The following CNNM2 variants were observed in gnomAD, a reference collection of about 807,000 sequenced individuals.
CNNM2 encodes metal transporter CNNM2.
CNNM2 carries 12 observed loss-of-function variants against 66.9 expected under a neutral mutation model. The ratio of observed to expected loss-of-function variants is 0.18; its 90% CI spans 0.11 to 0.29. The LOEUF is 0.29. CNNM2 is among the 10% of genes least tolerant of loss of function. The pLI, the probability that CNNM2 is intolerant of heterozygous loss-of-function variation, is 1.00. For missense variants in CNNM2, 705 were observed against 1,167.7 expected (o/e 0.60, Z 5.77); for synonymous variants, 557 against 501.8 (o/e 1.11, Z -1.47).
intron 1 of CNNM2, among the ~76,000 whole-genome samples, chr10:102,958,015 C>A (rs1847109305): frequency 6.6e-6 from 1 of 152,220 alleles, no homozygotes. Flanking sequence ...TGGCTCACTG[C>A]AACCTCCGCC....
At chr10:102,988,525 T>C (rs952353747) in intron 1 of CNNM2, among the ~76,000 whole-genome samples, 1 of 152,124 alleles carries the variant, frequency 6.6e-6, no homozygotes, top group Non-Finnish European at 1.5e-5. Flanking sequence ...AAGAATCTTA[T>C]ACAAAGTATA....
chr10:103,076,303 G>A (rs1448944149), intron 7 of CNNM2, 33 bp downstream of exon 7: 18 of 1,546,662 alleles, frequency 1.2e-5, no homozygotes, highest in Non-Finnish European at 1.6e-5. Flanking sequence ...GGCTGGACCT[G>A]GCAGTTAGTT....
At chr10:103,014,214 T>C (rs748447822) in intron 1 of CNNM2, among the ~76,000 whole-genome samples, 13 of 152,198 alleles carry the variant, frequency 8.5e-5, no homozygotes, top group Non-Finnish European at 1.8e-4. Context: ...CCAGGCAGCA[T>C]GCTAAATGTT....
intron 1 of CNNM2, among the ~76,000 whole-genome samples, chr10:103,018,147 G>A (rs1295255845): frequency 2.0e-5 from 3 of 152,026 alleles, no homozygotes; most frequent in African/African-American, 7.3e-5. Flanking sequence ...TGGAGAGCAA[G>A]GGTGAGACAA....
chr10:103,028,876 G>T (rs1234158829), intron 1 of CNNM2, among the ~76,000 whole-genome samples: 5 of 134,104 alleles, frequency 3.7e-5, no homozygotes, highest in African/African-American at 8.5e-5. Flanking sequence ...AGGCTGGAGT[G>T]CAGTGATGTG....
intron 1 of CNNM2, among the ~76,000 whole-genome samples, chr10:102,995,473 A>C (rs1440389058): frequency 1.3e-5 from 2 of 151,806 alleles, no homozygotes; most frequent in Admixed American, 1.3e-4. Context: ...TTGGCCTCCC[A>C]ACGTGCTGGG....
intron 6 of CNNM2, among the ~76,000 whole-genome samples, chr10:103,072,291 T>G (rs963714219): frequency 1.3e-5 from 2 of 152,228 alleles, no homozygotes; most frequent in African/African-American, 2.4e-5. Context: ...CTGTGAACTC[T>G]TCTTGGTAAG....
At chr10:102,971,684 C>A (rs2063549002) in intron 1 of CNNM2, among the ~76,000 whole-genome samples, 1 of 152,144 alleles carries the variant, frequency 6.6e-6, no homozygotes, top group African/African-American at 2.4e-5. Flanking sequence ...TTCATTTTAG[C>A]AGCTGCATGG....
In CNNM2 at chr10:103,071,776, C is replaced by G. The variant is rs1199489653; in HGVS notation, c.2170C>G (p.Pro724Ala). ...GVMALTASPV[P>A]LSLSRTFVVS... ...CCCTGTTTTTCTCCATTTTTCAGTTCCTTTGTCCCTGTCTCGTACCTTTGT... is the reference window on the plus strand; with the variant it reads ...CCCTGTTTTTCTCCATTTTTCAGTTGCTTTGTCCCTGTCTCGTACCTTTGT... The change falls in exon 6 of 8, where the codon CCT becomes GCT. Residue 724 changes from proline (P) to alanine (A), a missense_variant and splice_region_variant. Coordinates refer to ENST00000369878, the MANE Select transcript of CNNM2 (RefSeq NM_017649.5). The G allele has an allele frequency of 2.5e-6, 4 of 1,613,632 alleles. No individual in the cohort carries two copies. The highest frequency in any genetic ancestry group is 3.4e-6 in the Non-Finnish European group (4 of 1,179,748).
chr10:103,001,577 A>G (rs957608700), intron 1 of CNNM2, among the ~76,000 whole-genome samples: 3 of 152,214 alleles, frequency 2.0e-5, no homozygotes, highest in Admixed American at 1.3e-4. Context: ...ATTCATTCTC[A>G]TAGTCTTTTC....
At chr10:102,969,889 C>T (rs557902585) in intron 1 of CNNM2, among the ~76,000 whole-genome samples, 4 of 152,172 alleles carry the variant, frequency 2.6e-5, no homozygotes, top group Admixed American at 2.6e-4. Context: ...GTGATCCGCC[C>T]ACCTCGGCCT....
At chr10:103,059,551 C>G (rs2065349943) in intron 4 of CNNM2, among the ~76,000 whole-genome samples, 1 of 152,114 alleles carries the variant, frequency 6.6e-6, no homozygotes, top group African/African-American at 2.4e-5. Context: ...GCCAAAACTT[C>G]AAGTTTTATC....
chr10:103,071,625 G>A, intron 5 of CNNM2, 149 bp from the exon 6 acceptor site: 2 of 733,362 alleles, frequency 2.7e-6, no homozygotes, highest in Non-Finnish European at 2.5e-6. Context: ...GTGTTGTTTT[G>A]TTTCTATAAT....
chr10:102,922,852 G>A (rs917538603), intron 1 of CNNM2, among the ~76,000 whole-genome samples: 6 of 151,750 alleles, frequency 4.0e-5, no homozygotes, highest in Admixed American at 2.0e-4. Flanking sequence ...TGAGGTGGGA[G>A]GATTCCTTGA....
chr10:103,035,386 C>T (rs1472494632), intron 1 of CNNM2, among the ~76,000 whole-genome samples: 1 of 152,120 alleles, frequency 6.6e-6, no homozygotes. Flanking sequence ...CCATCACTTA[C>T]TAGGGAAACA....
chr10:102,950,789 G>A (rs1343386291), intron 1 of CNNM2, among the ~76,000 whole-genome samples: 1 of 152,046 alleles, frequency 6.6e-6, no homozygotes, highest in Non-Finnish European at 1.5e-5. Context: ...AAAACTCACT[G>A]TAATTTTAAT....
Position 103,083,261 on chromosome 10 carries a change from A to AT in CNNM2, c.*6083dup, listed in dbSNP as rs2065773941. 6.6e-6 allele frequency: 1 copy of AT among 152,244 alleles called. No homozygotes were observed. The highest frequency in any genetic ancestry group is 2.4e-5 in the African/African-American group (1 of 41,462). The allele number at this position is 152,244 out of a possible 1,614,324, so 9.4% of individuals were successfully genotyped here. A position where few individuals can be genotyped will look rare whatever the true frequency, so the allele number is the denominator to read the frequency against. ...ATTGTCTTAATGAATGCATTTTATA[A>AT]TTCAAATGATGTAGATGTACAGTCT... On this transcript the variant is annotated 3_prime_UTR_variant, in exon 8 of 8. Coordinates refer to ENST00000369878, the MANE Select transcript of CNNM2 (RefSeq NM_017649.5).
At chr10:103,006,039 T>C (rs940203698) in intron 1 of CNNM2, among the ~76,000 whole-genome samples, 1 of 152,190 alleles carries the variant, frequency 6.6e-6, no homozygotes, top group East Asian at 1.9e-4. Flanking sequence ...CATGACAGTT[T>C]AATATATTTC....
rs1367856134 is a variant in CNNM2 at position 102,985,529 on chromosome 10, C to T, written c.1622-64178C>T. ...GAATGGCTCTAAACTAACCAGCAGA[C>T]CCTGTCTCACTTATGTTCTCCTTCA... is the stretch of plus-strand genomic sequence containing the variant. On this transcript the variant is annotated intron_variant, in intron 1 of 7. Transcript: ENST00000369878. Among the ~76,000 whole-genome samples the T allele has an allele frequency of 4.6e-5, 7 of 152,214 alleles. No individual in the cohort carries two copies. The East Asian group carries it at 5.8e-4, about 13-fold the overall frequency.
Sources: allele counts gnomAD v4.1 joint callset (sites outside exome capture counted in the v4.1 genomes callset), GRCh38; gene constraint gnomAD v4.1.1; transcripts MANE v1.5; gene names NCBI Gene and HGNC (gene_info 2026-07-23, HGNC 2026-07-21).